The following PRPF4 variants were observed in gnomAD, a reference collection of about 807,000 sequenced individuals.
The protein encoded by PRPF4 is U4/U6 small nuclear ribonucleoprotein Prp4.
Under a neutral mutation model 72.2 loss-of-function variants are expected in PRPF4, and 14 were observed. The observed-to-expected ratio is 0.19, with a 90% CI of 0.13 to 0.30. The LOEUF (loss-of-function observed/expected upper bound fraction) is 0.30, where lower values mean the gene tolerates loss of function less well. PRPF4 is among the 10% of genes least tolerant of loss of function. The pLI is 1.00. For synonymous variants in PRPF4, 225 were observed against 232.2 expected, an observed-to-expected ratio of 0.97 and a Z score of 0.28; for missense variants, 478 against 653.9, an observed-to-expected ratio of 0.73 and a Z score of 2.93.
Position 113,283,278 on chromosome 9 carries a change from T to A in PRPF4, c.560+67T>A. 1.9e-6 allele frequency: 3 copies of A among 1,613,574 alleles called. No homozygotes were observed. The Admixed American group carries it at 5.0e-5, about 27-fold the overall frequency. On this transcript the variant is annotated intron_variant, in intron 5 of 13. Transcript: ENST00000374198. The stretch of plus-strand genomic sequence containing the variant: ...TGTGTGTTTCCTCTCAGGAACTGAG[T>A]GCTGGATAATGACTATGGTTGTTAA...
intron 6 of PRPF4, 124 bp downstream of exon 6, chr9:113,283,606 G>A (rs1179739373): frequency 1.6e-5 from 15 of 932,972 alleles, no homozygotes; most frequent in Non-Finnish European, 2.4e-5. Context: ...CTTAAGTTGA[G>A]CTGCTGTGAC....
Position 113,291,013 on chromosome 9 carries a change from G to C in PRPF4, c.1369G>C (p.Glu457Gln), listed in dbSNP as rs563771167. 1.4e-5 allele frequency: 22 copies of C among 1,611,754 alleles called. No homozygotes were observed. In the East Asian group the frequency reaches 3.1e-4, roughly 23 times the overall value. ...GAACTTAGTGACTGGTGTCAAGTTT[G>C]AGCGTAAGCTTTCCTCCTATTTTAC... Reference protein sequence around the residue: ...HQNLVTGVKFEPIHGNFLLTG... With the variant: ...HQNLVTGVKFQPIHGNFLLTG... The change falls in exon 13 of 14, where the codon GAG becomes CAG. Residue 457 changes from glutamate to glutamine, a missense_variant. Coordinates refer to ENST00000374198, the MANE Select transcript of PRPF4 (RefSeq NM_001244926.2).
At position 113,291,783 on chromosome 9, in the gene PRPF4, G is replaced by A; in HGVS notation, c.*123G>A. 1.0e-6 allele frequency: 1 copy of A among 988,678 alleles called. No individual in the cohort carries two copies. The highest frequency in any genetic ancestry group is 2.7e-5 in the East Asian group (1 of 37,170). 61.2% of individuals were successfully genotyped at this position (988,678 alleles called of 1,614,324 possible). A position where few individuals can be genotyped will look rare whatever the true frequency, so the allele number is the denominator to read the frequency against. ...GCCAATTACCATGCATAGACCCTCA[G>A]TAGAATTGGATTTCCATGTCAGCCC... On this transcript the variant is annotated 3_prime_UTR_variant, in exon 14 of 14. Coordinates refer to ENST00000374198, the MANE Select transcript of PRPF4 (RefSeq NM_001244926.2).
At chr9:113,276,791 A>G in intron 2 of PRPF4, 66 bp downstream of exon 2, 1 of 1,485,258 alleles carries the variant, frequency 6.7e-7, no homozygotes, top group Admixed American at 2.2e-5. Flanking sequence ...AAACTTAAAT[A>G]CCACAGTTTT....
chr9:113,291,778 C>A lies in PRPF4; in HGVS notation c.*118C>A, dbSNP rs1171029976. ...TTTCTGCCAATTACCATGCATAGAC[C>A]CTCAGTAGAATTGGATTTCCATGTC... On this transcript the variant is annotated 3_prime_UTR_variant, in exon 14 of 14. Transcript: ENST00000374198. 2.0e-6 allele frequency: 2 copies of A among 1,020,600 alleles called. No homozygotes were observed. Among genetic ancestry groups the A allele is most frequent in the Non-Finnish European group, 2.8e-6 (2 of 718,900 alleles). The allele number at this position is 1,020,600 out of a possible 1,614,324, so 63.2% of individuals were successfully genotyped here. A position where few individuals can be genotyped will look rare whatever the true frequency, so the allele number is the denominator to read the frequency against.
intron 3 of PRPF4, among the ~76,000 whole-genome samples, chr9:113,282,304 C>G (rs1832304120): frequency 6.6e-6 from 1 of 152,078 alleles, no homozygotes; most frequent in African/African-American, 2.4e-5. Context: ...AAGCCCTTCT[C>G]TCTACAGAAA....
At chr9:113,286,984 G>C (rs1391862278) in intron 9 of PRPF4, among the ~76,000 whole-genome samples, 156 bp downstream of exon 9, 1 of 152,166 alleles carries the variant, frequency 6.6e-6, no homozygotes, top group African/African-American at 2.4e-5. Context: ...CCCGGGAAAT[G>C]GAGGTTGTGG....
intron 6 of PRPF4, among the ~76,000 whole-genome samples, chr9:113,283,704 G>A (rs562701944): frequency 1.5e-4 from 23 of 152,120 alleles, no homozygotes; most frequent in African/African-American, 5.1e-4. Context: ...ATTTCTCCCC[G>A]TTAATATGTC....
Position 113,291,805 on chromosome 9 carries a change from GC to G in PRPF4, c.*150del. The G allele has an allele frequency of 1.2e-6, 1 of 834,946 alleles. No homozygotes were observed. The highest frequency in any genetic ancestry group is 1.8e-6 in the Non-Finnish European group (1 of 557,674). 51.7% of individuals were successfully genotyped at this position (834,946 alleles called of 1,614,324 possible). On this transcript the variant is annotated 3_prime_UTR_variant, in exon 14 of 14. Coordinates refer to ENST00000374198, the MANE Select transcript of PRPF4 (RefSeq NM_001244926.2). ...TCAGTAGAATTGGATTTCCATGTCA[GC>G]CCCCACTCCAGGAAGGCAGCCCAAT... is the stretch of plus-strand genomic sequence containing the variant.
At position 113,278,867 on chromosome 9, in the gene PRPF4, C is replaced by T. The variant is rs541172456; in HGVS notation, c.206-78C>T. 6.9e-6 allele frequency: 10 copies of T among 1,446,446 alleles called. No individual in the cohort carries two copies. The African/African-American group carries it at 1.1e-4, about 16-fold the overall frequency. 89.6% of individuals were successfully genotyped at this position (1,446,446 alleles called of 1,614,324 possible). ...ACAGTTACTTTTCCCTCAGGGCATA[C>T]ACAGACTGCAATTACTAGAAATTAT... is the stretch of plus-strand genomic sequence containing the variant. On this transcript the variant is annotated intron_variant, in intron 2 of 13. Transcript: ENST00000374198.
chr9:113,285,602 T>C (rs1017081175), intron 7 of PRPF4, among the ~76,000 whole-genome samples: 2 of 151,486 alleles, frequency 1.3e-5, no homozygotes, highest in African/African-American at 4.9e-5. Flanking sequence ...ATGGGCTCGA[T>C]CTCCTGACCT....
chr9:113,279,528 TTTTTTGTATTTTTAGTTATTTTTTATA>T (rs1242314192), intron 3 of PRPF4, among the ~76,000 whole-genome samples: 2 of 152,088 alleles, frequency 1.3e-5, no homozygotes, highest in African/African-American at 4.8e-5. Flanking sequence ...CACATTTTTC[TTTTTTGTATTTTTAGTTATTTTTTATA>T]TTTTTGTATT....
At chr9:113,286,116 C>T (rs1832443009) in intron 7 of PRPF4, 116 bp from the exon 8 acceptor site, 1 of 1,166,814 alleles carries the variant, frequency 8.6e-7, no homozygotes, top group Non-Finnish European at 1.3e-6. Flanking sequence ...ATTTTTCTGT[C>T]AGCCATTGTA....
Position 113,276,559 on chromosome 9 carries a change from T to G in PRPF4, c.39T>G (p.Thr13=), listed in dbSNP as rs769119768. The G allele has an allele frequency of 6.2e-7, 1 of 1,614,042 alleles. No individual in the cohort carries two copies. The highest frequency in any genetic ancestry group is 1.7e-5 in the Admixed American group (1 of 60,000). The change falls in exon 2 of 14, where the codon ACT becomes ACG. Residue 13 remains threonine (T), a synonymous_variant. Transcript: ENST00000374198. ...SSRASSTATK[T]KAPDDLVAPV... ...CTTTGATTTAGCAGGCAACCAAAAC[T>G]AAAGCACCCGACGACTTAGTTGCTC...
At chr9:113,281,777 C>CT (rs967177064) in intron 3 of PRPF4, among the ~76,000 whole-genome samples, 14 of 152,080 alleles carry the variant, frequency 9.2e-5, no homozygotes, top group Admixed American at 5.2e-4. Context: ...TACATATTAC[C>CT]TTTTTTTAAT....
chr9:113,291,734 G>A lies in PRPF4; in HGVS notation c.*74G>A. On this transcript the variant is annotated 3_prime_UTR_variant, in exon 14 of 14. Transcript: ENST00000374198. ...TTTTCCTCAAACGAGAAGAATTGAA[G>A]TGTTTAGTTCTATCATGTTTTCTGC... is the stretch of plus-strand genomic sequence containing the variant. 7.0e-7 allele frequency: 1 copy of A among 1,434,760 alleles called. No individual in the cohort carries two copies. The highest frequency in any genetic ancestry group is 9.6e-7 in the Non-Finnish European group (1 of 1,044,810). 88.9% of individuals were successfully genotyped at this position (1,434,760 alleles called of 1,614,324 possible). A position where few individuals can be genotyped will look rare whatever the true frequency, so the allele number is the denominator to read the frequency against.
Position 113,291,828 on chromosome 9 carries a change from C to A in PRPF4, c.*168C>A. On this transcript the variant is annotated 3_prime_UTR_variant, in exon 14 of 14. Transcript: ENST00000374198. Reference sequence around the variant, plus strand: ...CAGCCCCCACTCCAGGAAGGCAGCCCAATCCCTAGGTGATGGGGAACCCCT... The same window carrying A: ...CAGCCCCCACTCCAGGAAGGCAGCCAAATCCCTAGGTGATGGGGAACCCCT... The A allele has an allele frequency of 4.4e-6, 3 of 674,246 alleles. No homozygotes were observed. The highest frequency in any genetic ancestry group is 7.2e-6 in the Non-Finnish European group (3 of 414,098). The allele number at this position is 674,246 out of a possible 1,614,324, so 41.8% of individuals were successfully genotyped here. A position where few individuals can be genotyped will look rare whatever the true frequency, so the allele number is the denominator to read the frequency against.
In PRPF4 at chr9:113,286,742, C is replaced by G; in HGVS notation, c.846C>G (p.Pro282=). ...NTNVGAIVFH[P]KSTVSLDPKD... ...ATGTAGGAGCAATTGTATTCCATCC[C>G]AAATCCACTGTCTCCTTGGACCCAA... Residue 282 remains proline, a synonymous_variant, in exon 9 of 14, where the codon CCC becomes CCG. Coordinates refer to ENST00000374198, the MANE Select transcript of PRPF4 (RefSeq NM_001244926.2). 6.2e-7 allele frequency: 1 copy of G among 1,614,134 alleles called. No individual in the cohort carries two copies. Among genetic ancestry groups the G allele is most frequent in the African/African-American group, 1.3e-5 (1 of 75,032 alleles).
At chr9:113,285,184 A>G (rs1253308984) in intron 7 of PRPF4, among the ~76,000 whole-genome samples, 1 of 151,148 alleles carries the variant, frequency 6.6e-6, no homozygotes, top group Non-Finnish European at 1.5e-5. Flanking sequence ...TTGTTGAAAA[A>G]TTTCCAAAAT....
Sources: allele counts gnomAD v4.1 joint callset (sites outside exome capture counted in the v4.1 genomes callset), GRCh38; gene constraint gnomAD v4.1.1; transcripts MANE v1.5; gene names NCBI Gene and HGNC (gene_info 2026-07-23, HGNC 2026-07-21).